Variants in LRFN5 observed in about 807,000 individuals in gnomAD.
LRFN5 encodes leucine rich repeat and fibronectin type III domain containing 5, also known as leucine-rich repeat and fibronectin type-III domain-containing protein 5.
Under a neutral mutation model 45.6 loss-of-function variants are expected in LRFN5, and 24 were observed. The ratio of observed to expected loss-of-function variants is 0.53; its 90% CI spans 0.38 to 0.74. LRFN5 has a LOEUF of 0.74. LRFN5 is among the 30% of genes least tolerant of loss of function. The pLI, the probability that LRFN5 is intolerant of heterozygous loss-of-function variation, is 0.00. For missense variants in LRFN5, 776 were observed against 861.5 expected, an observed-to-expected ratio of 0.90 and a Z score of 1.24; for synonymous variants, 340 against 313.8, an observed-to-expected ratio of 1.08 and a Z score of -0.88.
At chr14:41,808,197 G>GGGAAGGAAGGAAGGAA (rs141262386) in intron 2 of LRFN5, among the ~76,000 whole-genome samples, 3,698 of 101,022 alleles carry the variant, frequency 0.037, 145 homozygotes, top group South Asian at 0.048. Flanking sequence ...AGGAAGTAGA[G>GGGAAGGAAGGAAGGAA]GGAAGGAAGG....
At chr14:41,792,507 C>A (rs1025948828) in intron 2 of LRFN5, among the ~76,000 whole-genome samples, 5 of 151,878 alleles carry the variant, frequency 3.3e-5, no homozygotes, top group Non-Finnish European at 7.4e-5. Flanking sequence ...CCAGAGTGGC[C>A]GTTTATAGAC....
At chr14:41,680,195 C>T (rs1413998030) in intron 1 of LRFN5, among the ~76,000 whole-genome samples, 1 of 152,202 alleles carries the variant, frequency 6.6e-6, no homozygotes, top group Non-Finnish European at 1.5e-5. Flanking sequence ...GAACTTGCCA[C>T]CCTGAATGGA....
intron 1 of LRFN5, among the ~76,000 whole-genome samples, chr14:41,614,194 TG>T (rs1887854089): frequency 6.6e-6 from 1 of 152,104 alleles, no homozygotes; most frequent in Non-Finnish European, 1.5e-5. Flanking sequence ...TTTAGACATT[TG>T]TACAGTAACA....
chr14:41,761,762 C>G (rs1303912567), intron 1 of LRFN5, among the ~76,000 whole-genome samples: 2 of 152,024 alleles, frequency 1.3e-5, no homozygotes, highest in Non-Finnish European at 2.9e-5. Context: ...ATTGTGAAGT[C>G]ATTATTTGAA....
At chr14:41,874,999 A>C (rs1004852954) in intron 2 of LRFN5, among the ~76,000 whole-genome samples, 1 of 152,126 alleles carries the variant, frequency 6.6e-6, no homozygotes, top group Non-Finnish European at 1.5e-5. Context: ...TTACCCCCCC[A>C]CCAACTGGGT....
intron 1 of LRFN5, among the ~76,000 whole-genome samples, chr14:41,703,005 TA>T (rs1882902458): frequency 6.6e-6 from 1 of 152,076 alleles, no homozygotes; most frequent in South Asian, 2.1e-4. Context: ...TGACAATTAT[TA>T]AAAGATCCTT....
intron 2 of LRFN5, among the ~76,000 whole-genome samples, chr14:41,831,558 C>G (rs1888482635): frequency 6.6e-6 from 1 of 152,072 alleles, no homozygotes; most frequent in Non-Finnish European, 1.5e-5. Flanking sequence ...ACACATATCT[C>G]TATATATATG....
intron 1 of LRFN5, among the ~76,000 whole-genome samples, chr14:41,680,590 A>G (rs1202552948): frequency 6.6e-6 from 1 of 152,220 alleles, no homozygotes; most frequent in Non-Finnish European, 1.5e-5. Context: ...ATATAGCTGC[A>G]GTGACCAAAA....
chr14:41,816,571 T>C (rs1887926165), intron 2 of LRFN5, among the ~76,000 whole-genome samples: 1 of 152,116 alleles, frequency 6.6e-6, no homozygotes, highest in Admixed American at 6.6e-5. Flanking sequence ...GTTTTTTTCT[T>C]TCTCTGTCAA....
intron 2 of LRFN5, among the ~76,000 whole-genome samples, chr14:41,885,580 G>T (rs1890539275): frequency 6.6e-6 from 1 of 152,138 alleles, no homozygotes; most frequent in African/African-American, 2.4e-5. Context: ...TGAAAGCACT[G>T]ACGGCTGCTT....
intron 1 of LRFN5, among the ~76,000 whole-genome samples, chr14:41,759,209 GA>G (rs1885542343): frequency 1.3e-5 from 2 of 152,064 alleles, no homozygotes; most frequent in Admixed American, 1.3e-4. Context: ...CGTGCTTGTA[GA>G]TATTTCTCAC....
intron 1 of LRFN5, among the ~76,000 whole-genome samples, chr14:41,746,699 G>A (rs1884935117): frequency 6.6e-6 from 1 of 151,780 alleles, no homozygotes; most frequent in African/African-American, 2.4e-5. Context: ...CTCCAAATGT[G>A]TAAAAGAAAG....
chr14:41,835,085 T>C (rs1888616681), intron 2 of LRFN5, among the ~76,000 whole-genome samples: 1 of 152,010 alleles, frequency 6.6e-6, no homozygotes, highest in Non-Finnish European at 1.5e-5. Flanking sequence ...TTCATCATTA[T>C]ATATTCTTAT....
At chr14:41,882,938 T>A (rs1428188499) in intron 2 of LRFN5, among the ~76,000 whole-genome samples, 1 of 136,488 alleles carries the variant, frequency 7.3e-6, no homozygotes, top group Non-Finnish European at 1.5e-5. Flanking sequence ...AATCTCCACC[T>A]CCCGGGTTTA....
chr14:41,712,655 A>G (rs1883333711), intron 1 of LRFN5, among the ~76,000 whole-genome samples: 1 of 152,174 alleles, frequency 6.6e-6, no homozygotes, highest in South Asian at 2.1e-4. Flanking sequence ...TTTTTATATA[A>G]CCTAAGCAAG....
At chr14:41,618,069 C>CAA (rs1887984361) in intron 1 of LRFN5, among the ~76,000 whole-genome samples, 1 of 152,144 alleles carries the variant, frequency 6.6e-6, no homozygotes. Context: ...AGGCACTTGA[C>CAA]AAACTCATTT....
At chr14:41,741,827 C>A (rs58853087) in intron 1 of LRFN5, among the ~76,000 whole-genome samples, 24,593 of 148,098 alleles carry the variant, frequency 0.17, 2,124 homozygotes, top group Admixed American at 0.2. Context: ...AAAAAAAAAA[C>A]CAAAAAACTA....
intron 1 of LRFN5, among the ~76,000 whole-genome samples, chr14:41,702,836 C>T (rs55915995): frequency 0.045 from 6,768 of 151,832 alleles, 482 homozygotes; most frequent in African/African-American, 0.15. Flanking sequence ...TACACTACTA[C>T]TTAAACAATA....
chr14:41,753,349 C>A (rs548975676), intron 1 of LRFN5, among the ~76,000 whole-genome samples: 15 of 152,248 alleles, frequency 9.9e-5, no homozygotes, highest in African/African-American at 3.4e-4. Context: ...CTATAAATTA[C>A]CTTGGGCAGT....
Sources: allele counts gnomAD v4.1 joint callset (sites outside exome capture counted in the v4.1 genomes callset), GRCh38; gene constraint gnomAD v4.1.1; transcripts MANE v1.5; gene names NCBI Gene and HGNC (gene_info 2026-07-23, HGNC 2026-07-21).